The following DPYD variants were observed in gnomAD, a reference collection of about 807,000 sequenced individuals.
DPYD encodes dihydropyrimidine dehydrogenase [NADP(+)].
DPYD carries 109 observed loss-of-function variants against 116.2 expected under a neutral mutation model. The ratio of observed to expected loss-of-function variants is 0.94; its 90% CI spans 0.80 to 1.10. DPYD has a LOEUF of 1.10. Ranked by LOEUF, DPYD falls within the 50% of genes least tolerant of loss-of-function variation. The probability of loss-of-function intolerance (pLI) is 0.00; values close to 1 mark genes in which losing one functional copy is unlikely to be tolerated. For synonymous variants in DPYD, 440 were observed against 432.0 expected (o/e 1.02, Z -0.23); for missense variants, 1,302 against 1,254.5 (o/e 1.04, Z -0.57).
At chr1:97,770,924 A>C (rs927775242) in intron 3 of DPYD, among the ~76,000 whole-genome samples, 1 of 152,220 alleles carries the variant, frequency 6.6e-6, no homozygotes, top group African/African-American at 2.4e-5. Context: ...ATTGTGAAAA[A>C]ATTCAAATGT....
At chr1:97,885,168 T>A (rs535796944) in intron 1 of DPYD, among the ~76,000 whole-genome samples, 39 of 151,996 alleles carry the variant, frequency 2.6e-4, no homozygotes, top group Non-Finnish European at 4.3e-4. Context: ...TTTAACCAAA[T>A]CCAAGATCAC....
intron 20 of DPYD, among the ~76,000 whole-genome samples, chr1:97,156,077 A>G (rs1023732103): frequency 6.6e-6 from 1 of 152,208 alleles, no homozygotes; most frequent in Non-Finnish European, 1.5e-5. Context: ...AGTTGGTACA[A>G]ATAAATAACT....
At chr1:97,087,972 T>C (rs1012352602) in intron 21 of DPYD, among the ~76,000 whole-genome samples, 1 of 152,208 alleles carries the variant, frequency 6.6e-6, no homozygotes, top group Admixed American at 6.5e-5. Flanking sequence ...TTTGAGGCTT[T>C]AGCACTTCTG....
intron 8 of DPYD, among the ~76,000 whole-genome samples, chr1:97,604,563 CA>C (rs1325626675): frequency 6.6e-6 from 1 of 151,456 alleles, no homozygotes; most frequent in East Asian, 1.9e-4. Flanking sequence ...ATAAGTTTTC[CA>C]AAAAAATTAC....
chr1:97,660,632 C>T (rs1271601838), intron 8 of DPYD, among the ~76,000 whole-genome samples: 1 of 152,072 alleles, frequency 6.6e-6, no homozygotes, highest in Non-Finnish European at 1.5e-5. Context: ...TCTCTCTTCA[C>T]CCCTCCCCAC....
At chr1:97,644,198 T>C (rs1658111676) in intron 8 of DPYD, among the ~76,000 whole-genome samples, 1 of 152,166 alleles carries the variant, frequency 6.6e-6, no homozygotes, top group African/African-American at 2.4e-5. Flanking sequence ...AGAAAACATC[T>C]GTATTGAATG....
upstream of DPYD, chr1:97,921,056 G>C: frequency 8.7e-7 from 1 of 1,155,356 alleles, no homozygotes. Context: ...CGCGGGGGCG[G>C]AGCGGGCGCG....
At chr1:97,481,887 C>T (rs994745098) in intron 13 of DPYD, among the ~76,000 whole-genome samples, 1 of 152,138 alleles carries the variant, frequency 6.6e-6, no homozygotes, top group Middle Eastern at 3.4e-3. Context: ...TATGTGTGTT[C>T]ATTCACACAC....
intron 15 of DPYD, among the ~76,000 whole-genome samples, chr1:97,375,668 C>T (rs1185767241): frequency 2.0e-5 from 3 of 152,144 alleles, no homozygotes; most frequent in Non-Finnish European, 4.4e-5. Context: ...ATGATTTGGA[C>T]AAGTCAGTCA....
At chr1:97,728,782 C>T (rs566916250) in intron 4 of DPYD, among the ~76,000 whole-genome samples, 10 of 152,190 alleles carry the variant, frequency 6.6e-5, no homozygotes, top group Admixed American at 5.2e-4. Context: ...GAAAATGTCT[C>T]TAGCACCACA....
intron 18 of DPYD, among the ~76,000 whole-genome samples, chr1:97,288,869 A>C (rs1019868050): frequency 2.6e-5 from 4 of 152,066 alleles, no homozygotes; most frequent in African/African-American, 9.7e-5. Context: ...AGACACAAAA[A>C]ACCCTTCAAA....
chr1:97,815,674 C>A (rs1245995383), intron 3 of DPYD, among the ~76,000 whole-genome samples: 1 of 152,134 alleles, frequency 6.6e-6, no homozygotes, highest in Non-Finnish European at 1.5e-5. Context: ...ACAACTCTTT[C>A]ATTAGGCTTT....
intron 4 of DPYD, among the ~76,000 whole-genome samples, chr1:97,732,295 T>C (rs2101050857): frequency 6.6e-6 from 1 of 151,990 alleles, no homozygotes; most frequent in East Asian, 1.9e-4. Context: ...GCTAACACGG[T>C]GAAACCTCGT....
intron 13 of DPYD, among the ~76,000 whole-genome samples, chr1:97,453,957 T>C (rs114165342): frequency 6.6e-6 from 1 of 151,964 alleles, no homozygotes; most frequent in African/African-American, 2.4e-5. Flanking sequence ...AATTTTCTCA[T>C]TCCTTAATTC....
At chr1:97,204,726 G>C (rs747380109) in intron 19 of DPYD, among the ~76,000 whole-genome samples, 17 of 152,078 alleles carry the variant, frequency 1.1e-4, no homozygotes, top group Non-Finnish European at 1.9e-4. Context: ...ATTGGAGGGA[G>C]ACTTTCACTT....
intron 20 of DPYD, among the ~76,000 whole-genome samples, chr1:97,123,248 G>A (rs1212048988): frequency 2.0e-5 from 3 of 151,816 alleles, no homozygotes; most frequent in Non-Finnish European, 4.4e-5. Context: ...TCTATATGTC[G>A]GTCAGTACTA....
chr1:97,608,831 C>T (rs576213543), intron 8 of DPYD, among the ~76,000 whole-genome samples: 2 of 151,830 alleles, frequency 1.3e-5, no homozygotes. Flanking sequence ...TATCCCACTA[C>T]TAGGTGAAGA....
intron 8 of DPYD, among the ~76,000 whole-genome samples, chr1:97,646,739 T>C (rs764629722): frequency 6.6e-6 from 1 of 152,078 alleles, no homozygotes; most frequent in African/African-American, 2.4e-5. Context: ...TAACTTTGCT[T>C]AATTGGTTAT....
chr1:97,773,426 G>T (rs191836924), intron 3 of DPYD, among the ~76,000 whole-genome samples: 28 of 152,242 alleles, frequency 1.8e-4, no homozygotes, highest in African/African-American at 6.7e-4. Context: ...CATTGTCCCC[G>T]GTGAGGGTTC....
Sources: allele counts gnomAD v4.1 joint callset (sites outside exome capture counted in the v4.1 genomes callset), GRCh38; gene constraint gnomAD v4.1.1; transcripts MANE v1.5; gene names NCBI Gene and HGNC (gene_info 2026-07-23, HGNC 2026-07-21).